PPFIA2: variants seen among roughly 807,000 people sequenced by gnomAD.
PPFIA2 encodes liprin-alpha-2.
Under a neutral mutation model 175.5 loss-of-function variants are expected in PPFIA2, and 46 were observed. The ratio of observed to expected loss-of-function variants is 0.26; its 90% CI spans 0.21 to 0.34. The LOEUF is 0.34. PPFIA2 is among the 10% of genes least tolerant of loss of function. The pLI is 1.00. For synonymous variants in PPFIA2, 568 were observed against 511.4 expected, an observed-to-expected ratio of 1.11 and a Z score of -1.49; for missense variants, 1,179 against 1,506.1, an observed-to-expected ratio of 0.78 and a Z score of 3.60.
At chr12:81,712,334 A>AC (rs1182146718) in intron 3 of PPFIA2, among the ~76,000 whole-genome samples, 1 of 151,412 alleles carries the variant, frequency 6.6e-6, no homozygotes, top group South Asian at 2.1e-4. Flanking sequence ...AGAGTTTGAT[A>AC]CAAAGTACTT....
chr12:81,750,888 T>C (rs774362264), intron 3 of PPFIA2, among the ~76,000 whole-genome samples: 3 of 152,120 alleles, frequency 2.0e-5, no homozygotes, highest in Non-Finnish European at 4.4e-5. Flanking sequence ...TGAAATAATT[T>C]TCATTTTTCT....
At chr12:81,366,023 TTCCTTCCTTCCC>T (rs1035754532) in intron 14 of PPFIA2, among the ~76,000 whole-genome samples, 12 of 102,020 alleles carry the variant, frequency 1.2e-4, no homozygotes, top group Non-Finnish European at 1.9e-4. Context: ...CCTTCCTTCC[TTCCTTCCTTCCC>T]TCCCTCCCTC....
chr12:81,463,695 A>C (rs1313190494), intron 4 of PPFIA2, among the ~76,000 whole-genome samples: 1 of 152,066 alleles, frequency 6.6e-6, no homozygotes, highest in Non-Finnish European at 1.5e-5. Context: ...CAAGCAAAGA[A>C]GCAAGTTAAA....
chr12:81,709,420 C>T (rs569424564), intron 3 of PPFIA2, among the ~76,000 whole-genome samples: 7 of 151,924 alleles, frequency 4.6e-5, no homozygotes, highest in Non-Finnish European at 8.8e-5. Flanking sequence ...ATGGAAACTA[C>T]ACTCCATGAG....
chr12:81,444,548 C>T lies in PPFIA2; in HGVS notation c.570+1008G>A, dbSNP rs534021234. Among the ~76,000 whole-genome samples the T allele has an allele frequency of 1.7e-4, 26 of 152,092 alleles. No individual in the cohort carries two copies. The South Asian group carries it at 2.1e-3, about 12-fold the overall frequency. Reference sequence around the variant, plus strand: ...AATAATTCTTATACTAATTGCCTCTCGTTGCTAAAATAAAAATGAGATACA... The same window carrying T: ...AATAATTCTTATACTAATTGCCTCTTGTTGCTAAAATAAAAATGAGATACA... On this transcript the variant is annotated intron_variant, in intron 6 of 32. Coordinates refer to ENST00000549396, the MANE Select transcript of PPFIA2 (RefSeq NM_003625.5).
chr12:81,464,763 T>C (rs1593392754), intron 4 of PPFIA2, among the ~76,000 whole-genome samples: 3 of 152,160 alleles, frequency 2.0e-5, no homozygotes, highest in Admixed American at 2.0e-4. Context: ...CTTTTCCACC[T>C]GGTATATCAC....
At chr12:81,686,751 T>A (rs1198704541) in intron 3 of PPFIA2, among the ~76,000 whole-genome samples, 1 of 152,120 alleles carries the variant, frequency 6.6e-6, no homozygotes, top group East Asian at 1.9e-4. Context: ...TTTCCCTTAC[T>A]CTGGTATGCA....
intron 4 of PPFIA2, among the ~76,000 whole-genome samples, chr12:81,481,347 C>T (rs545269244): frequency 1.3e-5 from 2 of 152,232 alleles, no homozygotes; most frequent in Admixed American, 6.5e-5. Flanking sequence ...ATGCTATTCC[C>T]ATCAAACTAC....
intron 3 of PPFIA2, among the ~76,000 whole-genome samples, chr12:81,743,865 G>A (rs1386191507): frequency 6.6e-6 from 1 of 152,104 alleles, no homozygotes; most frequent in Non-Finnish European, 1.5e-5. Flanking sequence ...AATATAGATA[G>A]CAACTCTATG....
At chr12:81,265,479 T>C (rs2036981405) in intron 30 of PPFIA2, among the ~76,000 whole-genome samples, 1 of 152,080 alleles carries the variant, frequency 6.6e-6, no homozygotes, top group South Asian at 2.1e-4. Context: ...AAAGTCTGTA[T>C]AAGCTTGTTG....
intron 4 of PPFIA2, among the ~76,000 whole-genome samples, chr12:81,564,087 C>T (rs1308916326): frequency 2.0e-5 from 3 of 152,196 alleles, no homozygotes; most frequent in Middle Eastern, 6.8e-3. Flanking sequence ...TGACATCAAA[C>T]ATCACACACT....
At chr12:81,403,953 C>T (rs990239609) in intron 8 of PPFIA2, among the ~76,000 whole-genome samples, 1 of 152,080 alleles carries the variant, frequency 6.6e-6, no homozygotes, top group Non-Finnish European at 1.5e-5. Context: ...TGTACTTTAT[C>T]TCCTCTTGTT....
chr12:81,344,884 T>A, intron 18 of PPFIA2, 191 bp from the exon 19 acceptor site: 1 of 491,366 alleles, frequency 2.0e-6, no homozygotes, highest in Admixed American at 3.3e-5. Flanking sequence ...GAGAGGGAAC[T>A]TCTCAGGTAA....
intron 3 of PPFIA2, among the ~76,000 whole-genome samples, chr12:81,709,310 A>C (rs1048759073): frequency 6.6e-6 from 1 of 152,162 alleles, no homozygotes; most frequent in Non-Finnish European, 1.5e-5. Context: ...ACTTCCCCTA[A>C]TGTAGGAAGG....
intron 21 of PPFIA2, among the ~76,000 whole-genome samples, chr12:81,337,556 C>A (rs769698477): frequency 6.6e-6 from 1 of 152,000 alleles, no homozygotes; most frequent in Non-Finnish European, 1.5e-5. Context: ...TTGATTTTGA[C>A]AGAATATTGT....
At chr12:81,325,090 G>T (rs1043892550) in intron 22 of PPFIA2, among the ~76,000 whole-genome samples, 2 of 151,912 alleles carry the variant, frequency 1.3e-5, no homozygotes, top group Non-Finnish European at 2.9e-5. Flanking sequence ...AGAAGGAAAA[G>T]AAATAATCAA....
intron 27 of PPFIA2, among the ~76,000 whole-genome samples, chr12:81,277,765 A>G (rs1040089891): frequency 6.6e-6 from 1 of 152,166 alleles, no homozygotes; most frequent in Non-Finnish European, 1.5e-5. Flanking sequence ...TAAAGTCCCC[A>G]TTATGGAGAC....
chr12:81,660,333 A>C (rs2068589678), intron 4 of PPFIA2, among the ~76,000 whole-genome samples: 1 of 152,172 alleles, frequency 6.6e-6, no homozygotes, highest in Non-Finnish European at 1.5e-5. Flanking sequence ...TAGAATAACC[A>C]ATGCAGAGAA....
chr12:81,260,183 GA>G, intron 32 of PPFIA2: 1 of 152,210 alleles, frequency 6.6e-6, no homozygotes, highest in Non-Finnish European at 1.5e-5. Flanking sequence ...TGACACAAAA[GA>G]AACAGCAAGT....
Sources: allele counts gnomAD v4.1 joint callset (sites outside exome capture counted in the v4.1 genomes callset), GRCh38; gene constraint gnomAD v4.1.1; transcripts MANE v1.5; gene names NCBI Gene and HGNC (gene_info 2026-07-23, HGNC 2026-07-21).